CLIP2: variants seen among roughly 807,000 people sequenced by gnomAD.
CLIP2 encodes CAP-Gly domain containing linker protein 2.
CLIP2 carries 41 observed loss-of-function variants against 111.7 expected under a neutral mutation model. The observed-to-expected ratio is 0.37, with a 90% CI of 0.29 to 0.48. CLIP2 has a LOEUF of 0.48. CLIP2 is among the 20% of genes least tolerant of loss of function. The pLI is 0.99. For synonymous variants in CLIP2, 660 were observed against 644.2 expected (o/e 1.02, Z -0.37); for missense variants, 1,160 against 1,422.1 (o/e 0.82, Z 2.96).
At position 74,357,410 on chromosome 7, in the gene CLIP2, C is replaced by T. The variant is rs782339618; in HGVS notation, c.1148C>T (p.Ala383Val). Residue 383 changes from alanine (A) to valine (V), a missense_variant, in exon 6 of 17, where the codon GCC becomes GTC. Transcript: ENST00000223398. Reference sequence around the variant, plus strand: ...CGAGACCTGGAACGGGCTGAGGTGGCCAAGGCCACAAGCCACATCTGCGAG... The same window carrying T: ...CGAGACCTGGAACGGGCTGAGGTGGTCAAGGCCACAAGCCACATCTGCGAG... Reference protein sequence around the residue: ...AERDLERAEVAKATSHICEVE... With the variant: ...AERDLERAEVVKATSHICEVE... 6.2e-7 allele frequency: 1 copy of T among 1,612,210 alleles called. No individual in the cohort carries two copies. The highest frequency in any genetic ancestry group is 8.5e-7 in the Non-Finnish European group (1 of 1,179,272).
At chr7:74,335,347 ATTATT>A (rs60994467) in intron 2 of CLIP2, among the ~76,000 whole-genome samples, 91,688 of 149,932 alleles carry the variant, frequency 0.61, 29,996 homozygotes, top group Middle Eastern at 0.75. Flanking sequence ...TGCTATCTTA[ATTATT>A]TTATTTTGTT....
chr7:74,336,870 T>C (rs1447819989), intron 2 of CLIP2, among the ~76,000 whole-genome samples: 1 of 23,994 alleles, frequency 4.2e-5, no homozygotes, highest in Non-Finnish European at 2.2e-4. Flanking sequence ...GTTTTTTTTT[T>C]TTTTGTTTTT....
intron 3 of CLIP2, among the ~76,000 whole-genome samples, chr7:74,352,994 T>C (rs1463701138): frequency 4.6e-5 from 7 of 151,786 alleles, no homozygotes; most frequent in African/African-American, 1.7e-4. Flanking sequence ...AAAAAATTTT[T>C]TAAAAACTTA....
intron 3 of CLIP2, among the ~76,000 whole-genome samples, chr7:74,350,483 C>T (rs1462480211): frequency 1.3e-5 from 2 of 152,102 alleles, no homozygotes; most frequent in Admixed American, 6.6e-5. Context: ...ACTAGGATTA[C>T]AGGCATGAGC....
intron 2 of CLIP2, among the ~76,000 whole-genome samples, chr7:74,326,304 C>T (rs1789104312): frequency 6.6e-6 from 1 of 152,154 alleles, no homozygotes; most frequent in Non-Finnish European, 1.5e-5. Context: ...GTTACAGGGC[C>T]AGAGCTGAGA....
chr7:74,372,578 C>T (rs1790658967), intron 8 of CLIP2, among the ~76,000 whole-genome samples: 1 of 148,792 alleles, frequency 6.7e-6, no homozygotes, highest in South Asian at 2.1e-4. Flanking sequence ...AGGTCAAGGG[C>T]TGCTGGTTGG....
rs1245948587 is a variant in CLIP2 at position 74,364,434 on chromosome 7, G to C, written c.1380+119G>C. 3.8e-6 allele frequency: 3 copies of C among 799,844 alleles called. No individual in the cohort carries two copies. The African/African-American group carries it at 5.2e-5, about 14-fold the overall frequency. 49.5% of individuals were successfully genotyped at this position (799,844 alleles called of 1,614,324 possible). ...GCCCCCCCGGGGAAGGGGCTGGGGG[G>C]GAAAATGGGGAAGGATCAAAGGTCT... is the stretch of plus-strand genomic sequence containing the variant. On this transcript the variant is annotated intron_variant, in intron 8 of 16. Coordinates refer to ENST00000223398, the MANE Select transcript of CLIP2 (RefSeq NM_003388.5).
chr7:74,381,329 C>T (rs1290559244), intron 11 of CLIP2, among the ~76,000 whole-genome samples: 1 of 152,094 alleles, frequency 6.6e-6, no homozygotes, highest in Non-Finnish European at 1.5e-5. Context: ...GCTGGGATTA[C>T]AGGCATGCAC....
intron 2 of CLIP2, among the ~76,000 whole-genome samples, chr7:74,337,233 G>A (rs1317042167): frequency 6.6e-6 from 1 of 152,046 alleles, no homozygotes; most frequent in East Asian, 1.9e-4. Flanking sequence ...CCTTAGGCTG[G>A]GCTGCAGCTT....
intron 10 of CLIP2, chr7:74,380,605 G>C: frequency 2.1e-6 from 1 of 486,564 alleles, no homozygotes; most frequent in Non-Finnish European, 3.7e-6. Context: ...GCTGGGTGCA[G>C]AATGGGGGTC....
At chr7:74,299,917 G>T (rs1311012352) in intron 1 of CLIP2, among the ~76,000 whole-genome samples, 1 of 151,836 alleles carries the variant, frequency 6.6e-6, no homozygotes, top group Non-Finnish European at 1.5e-5. Context: ...GGCTGGTCTC[G>T]AACTCCTGAT....
chr7:74,314,749 A>T (rs1461277290), intron 1 of CLIP2, among the ~76,000 whole-genome samples: 1 of 152,224 alleles, frequency 6.6e-6, no homozygotes, highest in Admixed American at 6.5e-5. Flanking sequence ...GGCCTGGCTC[A>T]TGGTGAGCCT....
At chr7:74,355,842 A>G (rs1286542756) in intron 4 of CLIP2, among the ~76,000 whole-genome samples, 10 of 152,108 alleles carry the variant, frequency 6.6e-5, no homozygotes, top group African/African-American at 1.7e-4. Flanking sequence ...TTGCTTCTCT[A>G]TGCAGGGATT....
intron 1 of CLIP2, among the ~76,000 whole-genome samples, chr7:74,295,399 A>G (rs1252636556): frequency 6.6e-6 from 1 of 152,104 alleles, no homozygotes; most frequent in Admixed American, 6.6e-5. Flanking sequence ...AAAACTCACC[A>G]TTCTCCCACA....
chr7:74,317,184 A>G (rs915027029), intron 1 of CLIP2, among the ~76,000 whole-genome samples: 3 of 152,214 alleles, frequency 2.0e-5, no homozygotes, highest in Non-Finnish European at 4.4e-5. Context: ...TCATGGCTAG[A>G]TGACGGCCTG....
In CLIP2 at chr7:74,356,585, G is replaced by T. The variant is rs1284158415; in HGVS notation, c.979G>T (p.Ala327Ser). Residue 327 changes from alanine (A) to serine (S), a missense_variant, in exon 5 of 17, where the codon GCC becomes TCC. By Grantham distance (99) the Ala-to-Ser change is moderately conservative. Transcript: ENST00000223398. ...CTCCATCAGCTCCGTCAGCTCTGTGGCCTCCTCCGTGGGGGGTCGGCCCAG... is the reference window on the plus strand; with the variant it reads ...CTCCATCAGCTCCGTCAGCTCTGTGTCCTCCTCCGTGGGGGGTCGGCCCAG... ...SSSISSVSSV[A>S]SSVGGRPSRS... 2 of 1,614,012 alleles carry T rather than the reference G, an allele frequency of 1.2e-6. No homozygotes were observed. Among genetic ancestry groups the T allele is most frequent in the African/African-American group, 1.3e-5 (1 of 74,932 alleles).
chr7:74,367,025 G>A (rs781966091), intron 8 of CLIP2, among the ~76,000 whole-genome samples: 3 of 151,902 alleles, frequency 2.0e-5, no homozygotes, highest in East Asian at 3.9e-4. Flanking sequence ...TCACTTTGCT[G>A]CCTTGCCTGT....
intron 12 of CLIP2, 146 bp downstream of exon 12, chr7:74,386,750 C>T (rs943196586): frequency 5.2e-5 from 28 of 536,560 alleles, no homozygotes; most frequent in Admixed American, 1.6e-4. Flanking sequence ...TGGCTGGTCG[C>T]GGTGGCTCGC....
intron 1 of CLIP2, among the ~76,000 whole-genome samples, chr7:74,308,785 T>C (rs1788563179): frequency 6.6e-6 from 1 of 151,952 alleles, no homozygotes; most frequent in African/African-American, 2.4e-5. Flanking sequence ...TTATGGGCTG[T>C]TTATATATCT....
Sources: allele counts gnomAD v4.1 joint callset (sites outside exome capture counted in the v4.1 genomes callset), GRCh38; gene constraint gnomAD v4.1.1; transcripts MANE v1.5; gene names NCBI Gene and HGNC (gene_info 2026-07-23, HGNC 2026-07-21).